The following CAMK2D variants were observed in gnomAD, a reference collection of about 807,000 sequenced individuals.
CAMK2D encodes calcium/calmodulin dependent protein kinase II delta.
In CAMK2D, 37 loss-of-function variants were observed where a neutral mutation model predicts 84.0. The observed-to-expected ratio is 0.44, with a 90% CI of 0.34 to 0.58. The LOEUF (loss-of-function observed/expected upper bound fraction) is 0.58. Ranked by LOEUF, CAMK2D falls within the 20% of genes least tolerant of loss-of-function variation. The pLI is 0.02. For missense variants in CAMK2D, 448 were observed against 652.5 expected (o/e 0.69, Z 3.41); for synonymous variants, 202 against 212.5 (o/e 0.95, Z 0.43).
intron 2 of CAMK2D, among the ~76,000 whole-genome samples, chr4:113,695,367 C>A (rs867430570): frequency 6.6e-6 from 1 of 152,224 alleles, no homozygotes; most frequent in Middle Eastern, 3.4e-3. Context: ...CTCTACTCCT[C>A]CCCTGAATTC....
chr4:113,492,224 T>G (rs1286222164), intron 16 of CAMK2D, among the ~76,000 whole-genome samples: 1 of 152,170 alleles, frequency 6.6e-6, no homozygotes, highest in Non-Finnish European at 1.5e-5. Context: ...GTTCTTTTAA[T>G]TGTGATGTTA....
intron 2 of CAMK2D, among the ~76,000 whole-genome samples, chr4:113,689,159 T>C (rs2099373786): frequency 6.6e-6 from 1 of 152,060 alleles, no homozygotes; most frequent in East Asian, 1.9e-4. Context: ...GGCAGGGGAA[T>C]TGCTTGAACC....
chr4:113,494,397 C>T (rs1590138144), intron 16 of CAMK2D, among the ~76,000 whole-genome samples: 1 of 151,996 alleles, frequency 6.6e-6, no homozygotes, highest in Non-Finnish European at 1.5e-5. Flanking sequence ...GAGTACCCTG[C>T]CGTGTGAGGT....
chr4:113,511,391 T>A (rs1417622911), intron 12 of CAMK2D, among the ~76,000 whole-genome samples: 1 of 152,188 alleles, frequency 6.6e-6, no homozygotes, highest in East Asian at 1.9e-4. Context: ...TACATGATGA[T>A]GAAAAGGAAA....
intron 2 of CAMK2D, among the ~76,000 whole-genome samples, chr4:113,670,064 A>T (rs1437797786): frequency 6.6e-6 from 1 of 152,158 alleles, no homozygotes; most frequent in East Asian, 1.9e-4. Flanking sequence ...GCAGATCACA[A>T]GGTCAGGAGT....
intron 6 of CAMK2D, among the ~76,000 whole-genome samples, chr4:113,541,358 T>C (rs1408078020): frequency 6.6e-6 from 1 of 152,216 alleles, no homozygotes; most frequent in Non-Finnish European, 1.5e-5. Flanking sequence ...GCAGATGTTT[T>C]TAGAAGAATT....
intron 8 of CAMK2D, among the ~76,000 whole-genome samples, chr4:113,526,842 T>G (rs1187814749): frequency 6.6e-6 from 1 of 151,712 alleles, no homozygotes; most frequent in Non-Finnish European, 1.5e-5. Context: ...ACAGATCCAC[T>G]AAAGCAGAGG....
chr4:113,705,798 T>G (rs1466685572), intron 2 of CAMK2D, among the ~76,000 whole-genome samples: 1 of 152,188 alleles, frequency 6.6e-6, no homozygotes, highest in Non-Finnish European at 1.5e-5. Context: ...CTAATAAGCC[T>G]CCTCAACATT....
In CAMK2D at chr4:113,453,115, C is replaced by T. The variant is rs1290755348; in HGVS notation, c.*1430G>A. On this transcript the variant is annotated 3_prime_UTR_variant, in exon 21 of 21. Transcript: ENST00000511664. ...ACAAAAATCACAGGAATTGAATCAA[C>T]AAAGGAAAAATGAGAAGCACAAAGA... 3.9e-5 allele frequency: 6 copies of T among 152,038 alleles called. No individual in the cohort carries two copies. The highest frequency in any genetic ancestry group is 1.4e-4 in the African/African-American group (6 of 41,394). 9.4% of individuals were successfully genotyped at this position (152,038 alleles called of 1,614,324 possible). A position where few individuals can be genotyped will look rare whatever the true frequency, so the allele number is the denominator to read the frequency against.
intron 4 of CAMK2D, among the ~76,000 whole-genome samples, chr4:113,565,234 C>T (rs1162394326): frequency 6.6e-6 from 1 of 152,180 alleles, no homozygotes; most frequent in African/African-American, 2.4e-5. Flanking sequence ...AGAAGTGAAG[C>T]TGGGTGGCCA....
At position 113,736,928 on chromosome 4, in the gene CAMK2D, G is replaced by T. The variant is rs142981532; in HGVS notation, c.160+22392C>A. On this transcript the variant is annotated intron_variant, in intron 2 of 20. Coordinates refer to ENST00000511664, the MANE Select transcript of CAMK2D (RefSeq NM_001321571.2). ...CAGTTCATCAGAATATCCAATATGC[G>T]CATTATGAAGAATTCCATCTTTCCC... Among the ~76,000 whole-genome samples, 4 of 151,802 alleles carry T rather than the reference G, an allele frequency of 2.6e-5. No homozygotes were observed. The South Asian group carries it at 8.3e-4, about 32-fold the overall frequency.
intron 2 of CAMK2D, among the ~76,000 whole-genome samples, chr4:113,703,068 T>C (rs559780669): frequency 6.6e-6 from 1 of 152,158 alleles, no homozygotes; most frequent in African/African-American, 2.4e-5. Context: ...CTAAAGAAAA[T>C]AGGGGAGCAT....
At chr4:113,603,374 C>T (rs2098961882) in intron 4 of CAMK2D, among the ~76,000 whole-genome samples, 1 of 120,176 alleles carries the variant, frequency 8.3e-6, no homozygotes, top group South Asian at 3.6e-4. Context: ...CCCCCCTCCC[C>T]CCACCCCACA....
At chr4:113,551,339 A>G (rs1475264813) in intron 5 of CAMK2D, among the ~76,000 whole-genome samples, 2 of 152,212 alleles carry the variant, frequency 1.3e-5, no homozygotes, top group African/African-American at 2.4e-5. Context: ...AACAAGATTG[A>G]AAAATTACTC....
chr4:113,514,890 C>T (rs559553789), intron 10 of CAMK2D, among the ~76,000 whole-genome samples, 179 bp downstream of exon 10: 1 of 152,196 alleles, frequency 6.6e-6, no homozygotes, highest in African/African-American at 2.4e-5. Context: ...GACTTTGCTA[C>T]TGAAAATTGC....
intron 17 of CAMK2D, among the ~76,000 whole-genome samples, chr4:113,464,239 T>C (rs1183523274): frequency 2.6e-5 from 4 of 152,248 alleles, no homozygotes; most frequent in African/African-American, 9.6e-5. Context: ...AACATGAATA[T>C]GCCTTTACTA....
chr4:113,656,728 T>C (rs1230098642), intron 3 of CAMK2D, among the ~76,000 whole-genome samples: 6 of 152,114 alleles, frequency 3.9e-5, no homozygotes. Flanking sequence ...TGAAACTCTT[T>C]TCTCTTTTTC....
At chr4:113,546,694 C>A (rs888326403) in intron 6 of CAMK2D, among the ~76,000 whole-genome samples, 5 of 152,120 alleles carry the variant, frequency 3.3e-5, no homozygotes, top group African/African-American at 1.2e-4. Context: ...TGTCCTAATG[C>A]CTAGAAAATG....
intron 2 of CAMK2D, among the ~76,000 whole-genome samples, chr4:113,713,583 C>T (rs1478833910): frequency 6.7e-6 from 1 of 149,396 alleles, no homozygotes; most frequent in Non-Finnish European, 1.5e-5. Context: ...CCAGTAGCTG[C>T]CAATCTAATG....
Sources: allele counts gnomAD v4.1 joint callset (sites outside exome capture counted in the v4.1 genomes callset), GRCh38; gene constraint gnomAD v4.1.1; transcripts MANE v1.5; gene names NCBI Gene and HGNC (gene_info 2026-07-23, HGNC 2026-07-21).